The following FSIP1 variants were observed in gnomAD, a reference collection of about 807,000 sequenced individuals.
FSIP1 encodes fibrous sheath-interacting protein 1.
A neutral mutation model predicts 60.9 loss-of-function variants in FSIP1; 65 were observed. That is an observed-to-expected ratio of 1.07 (90% CI 0.87 to 1.31). FSIP1 has a LOEUF of 1.31. Among genes scored for constraint, FSIP1 ranks in the 40% most tolerant of loss-of-function variants. The pLI is 0.00. For synonymous variants in FSIP1, 209 were observed against 221.2 expected, an observed-to-expected ratio of 0.94 and a Z score of 0.49; for missense variants, 675 against 665.5, an observed-to-expected ratio of 1.01 and a Z score of -0.16.
intron 5 of FSIP1, among the ~76,000 whole-genome samples, chr15:39,744,510 T>C (rs1327650293): frequency 6.6e-6 from 1 of 152,126 alleles, no homozygotes; most frequent in Non-Finnish European, 1.5e-5. Flanking sequence ...GGTATTAAGC[T>C]GCTCCCCGGC....
intron 1 of FSIP1, among the ~76,000 whole-genome samples, chr15:39,780,397 C>A (rs1347785111): frequency 6.6e-6 from 1 of 152,088 alleles, no homozygotes; most frequent in African/African-American, 2.4e-5. Flanking sequence ...TGGTGATGGG[C>A]GCCTGTAGTC....
At chr15:39,653,875 G>T (rs1892971445) in intron 10 of FSIP1, among the ~76,000 whole-genome samples, 1 of 152,134 alleles carries the variant, frequency 6.6e-6, no homozygotes, top group Non-Finnish European at 1.5e-5. Flanking sequence ...CCAGTCTCAG[G>T]TATGCCTTCA....
chr15:39,763,782 A>G, intron 5 of FSIP1, 39 bp downstream of exon 5: 1 of 1,009,938 alleles, frequency 9.9e-7, no homozygotes, highest in Non-Finnish European at 1.6e-6. Flanking sequence ...TCCATGACTC[A>G]GATAAAAACA....
At chr15:39,693,700 T>C (rs1894697435) in intron 10 of FSIP1, among the ~76,000 whole-genome samples, 1 of 152,160 alleles carries the variant, frequency 6.6e-6, no homozygotes, top group Non-Finnish European at 1.5e-5. Context: ...AGAAAACTGC[T>C]TTCAGGTATC....
rs148738046 is a variant in FSIP1 at position 39,617,653 on chromosome 15, G to C, written c.1699+82C>G. 5.8e-6 allele frequency: 7 copies of C among 1,198,044 alleles called. No homozygotes were observed. In the East Asian group the frequency reaches 1.6e-4, roughly 28 times the overall value. The allele number at this position is 1,198,044 out of a possible 1,614,324, so 74.2% of individuals were successfully genotyped here. Reference sequence around the variant, plus strand: ...GACTTACAAACATACCTTCTTACCCGACTCTAATTTAAACCATAATACCTT... The same window carrying C: ...GACTTACAAACATACCTTCTTACCCCACTCTAATTTAAACCATAATACCTT... On this transcript the variant is annotated intron_variant, in intron 11 of 11. Transcript: ENST00000350221.
chr15:39,713,407 T>A (rs749859540), intron 10 of FSIP1, 37 bp downstream of exon 10: 2 of 1,563,706 alleles, frequency 1.3e-6, no homozygotes, highest in African/African-American at 1.4e-5. Flanking sequence ...CCTCTATTTT[T>A]TTCTTAAAAA....
chr15:39,724,035 T>C (rs78423458), intron 9 of FSIP1, among the ~76,000 whole-genome samples: 2 of 152,252 alleles, frequency 1.3e-5, no homozygotes, highest in East Asian at 3.8e-4. Flanking sequence ...CTACATTACA[T>C]TTTTGTTTTT....
intron 11 of FSIP1, among the ~76,000 whole-genome samples, chr15:39,609,674 C>T (rs1006541343): frequency 1.3e-5 from 2 of 152,222 alleles, no homozygotes; most frequent in African/African-American, 4.8e-5. Flanking sequence ...CTCACCCAGT[C>T]GCTGAGCCCA....
intron 11 of FSIP1, among the ~76,000 whole-genome samples, chr15:39,609,109 G>A (rs565659824): frequency 6.6e-6 from 1 of 152,292 alleles, no homozygotes; most frequent in South Asian, 2.1e-4. Flanking sequence ...GGGAGTACAG[G>A]CAGGGCTAGA....
intron 11 of FSIP1, among the ~76,000 whole-genome samples, chr15:39,616,780 T>C (rs1162238982): frequency 6.6e-6 from 1 of 152,106 alleles, no homozygotes; most frequent in Non-Finnish European, 1.5e-5. Flanking sequence ...GGAAATTCGT[T>C]TAGTGGTTGT....
intron 10 of FSIP1, among the ~76,000 whole-genome samples, chr15:39,622,280 T>C (rs750806465): frequency 2.7e-4 from 41 of 152,206 alleles, no homozygotes; most frequent in Admixed American, 5.9e-4. Context: ...CTCAACATAG[T>C]GCATCTCAGT....
chr15:39,725,692 G>T (rs567826528), intron 9 of FSIP1, among the ~76,000 whole-genome samples: 30 of 152,214 alleles, frequency 2.0e-4, no homozygotes, highest in African/African-American at 7.2e-5. Context: ...TTTCTCCTCA[G>T]TCTACCACCC....
At position 39,633,091 on chromosome 15, in the gene FSIP1, C is replaced by CTTTTTTTT. The variant is rs869063502; in HGVS notation, c.1189-14854_1189-14847dup. Among the ~76,000 whole-genome samples the CTTTTTTTT allele has an allele frequency of 5.3e-3, 602 of 112,846 alleles. 34 individuals are homozygous for CTTTTTTTT. The highest frequency in any genetic ancestry group is 0.015 in the African/African-American group (411 of 27,088). The allele number at this position is 112,846 out of a possible 152,430, so 74.0% of individuals were successfully genotyped here. On this transcript the variant is annotated intron_variant, in intron 10 of 11. Transcript: ENST00000350221. Reference sequence around the variant, plus strand: ...AATCTTCCCCACATAGGCTATACTTCTTTTTTTTTTTTTTTTTTTTGAGAT... The same window carrying CTTTTTTTT: ...AATCTTCCCCACATAGGCTATACTTCTTTTTTTTTTTTTTTTTTTTTTTTTTTTGAGAT...
chr15:39,645,889 G>A (rs534389657), intron 10 of FSIP1, among the ~76,000 whole-genome samples: 29 of 152,360 alleles, frequency 1.9e-4, no homozygotes, highest in African/African-American at 6.5e-4. Context: ...CGGGGTGGAA[G>A]GGGGCAGGGT....
chr15:39,765,388 G>A (rs111527063), intron 4 of FSIP1, among the ~76,000 whole-genome samples: 11 of 151,788 alleles, frequency 7.2e-5, no homozygotes, highest in African/African-American at 2.7e-4. Context: ...CAACAAGCAC[G>A]TACTACCATG....
Position 39,612,272 on chromosome 15 carries a change from T to G in FSIP1, c.1699+5463A>C, listed in dbSNP as rs1296087881. 6.6e-5 allele frequency among the ~76,000 whole-genome samples: 10 copies of G among 152,284 alleles called. No homozygotes were observed. In the East Asian group the frequency reaches 1.9e-3, roughly 29 times the overall value. ...GGCCACAAAACAAGTCTTAATGAAC[T>G]CAAGAGGATTTTAATCATATCAAGT... On this transcript the variant is annotated intron_variant, in intron 11 of 11. Transcript: ENST00000350221.
At chr15:39,673,279 A>G (rs1893792382) in intron 10 of FSIP1, among the ~76,000 whole-genome samples, 1 of 152,212 alleles carries the variant, frequency 6.6e-6, no homozygotes, top group South Asian at 2.1e-4. Context: ...TTTTAACTAC[A>G]AAGTTAGATT....
intron 10 of FSIP1, among the ~76,000 whole-genome samples, chr15:39,699,813 A>C (rs1894984029): frequency 6.6e-6 from 1 of 152,242 alleles, no homozygotes; most frequent in Admixed American, 6.5e-5. Context: ...GTTGCTAATA[A>C]GAACCACTGT....
At chr15:39,746,317 A>G (rs1419245538) in intron 5 of FSIP1, among the ~76,000 whole-genome samples, 3 of 152,150 alleles carry the variant, frequency 2.0e-5, no homozygotes, top group African/African-American at 4.8e-5. Context: ...GATAAAAGGA[A>G]AAAAACAACC....
Sources: gnomAD v4.1 joint callset for allele counts (sites outside exome capture counted in the v4.1 genomes callset) on GRCh38, gnomAD v4.1.1 for gene constraint, MANE v1.5 for transcripts, NCBI Gene and HGNC (gene_info 2026-07-23, HGNC 2026-07-21) for gene names.